Variants in PRKCB observed in about 807,000 individuals in gnomAD.
The protein encoded by PRKCB is protein kinase C beta type.
Under a neutral mutation model 81.5 loss-of-function variants are expected in PRKCB, and 13 were observed. The observed-to-expected ratio is 0.16, with a 90% CI of 0.10 to 0.25. The LOEUF (loss-of-function observed/expected upper bound fraction) is 0.25. Among genes scored for constraint, PRKCB ranks in the 10% least tolerant of loss-of-function variants. PRKCB has a pLI of 1.00. For synonymous variants in PRKCB, 335 were observed against 321.4 expected (o/e 1.04, Z -0.45); for missense variants, 509 against 875.7 (o/e 0.58, Z 5.29).
intron 5 of PRKCB, among the ~76,000 whole-genome samples, chr16:24,081,517 A>T (rs1334702157): frequency 6.6e-6 from 1 of 152,192 alleles, no homozygotes; most frequent in Non-Finnish European, 1.5e-5. Flanking sequence ...TAAAATGTTC[A>T]TCCTCCCCAG....
intron 2 of PRKCB, among the ~76,000 whole-genome samples, chr16:23,863,045 T>G (rs56046165): frequency 0.18 from 27,010 of 149,376 alleles, 2,895 homozygotes; most frequent in East Asian, 0.33. Context: ...GCAGAACACA[T>G]CTCTCCATGA....
Position 24,215,985 on chromosome 16 carries a change from A to AT in PRKCB, c.*1170dup, listed in dbSNP as rs1008199694. ...ATTTTTCTTCTAGCATCGAGATACA[A>AT]TAAAAAAAAAAAAAAAGAAAAGAAG... On this transcript the variant is annotated 3_prime_UTR_variant, in exon 17 of 17. Coordinates refer to ENST00000643927, the MANE Select transcript of PRKCB (RefSeq NM_002738.7). 8 of 964,394 alleles carry AT rather than the reference A, an allele frequency of 8.3e-6. No homozygotes were observed. Among genetic ancestry groups the AT allele is most frequent in the Middle Eastern group, 5.3e-4 (1 of 1,886 alleles). The allele number at this position is 964,394 out of a possible 1,614,324, so 59.7% of individuals were successfully genotyped here. A position where few individuals can be genotyped will look rare whatever the true frequency, so the allele number is the denominator to read the frequency against.
At chr16:24,024,258 T>A (rs1005832488) in intron 3 of PRKCB, among the ~76,000 whole-genome samples, 14 of 152,120 alleles carry the variant, frequency 9.2e-5, no homozygotes, top group African/African-American at 3.4e-4. Flanking sequence ...TGGAATCTAA[T>A]GAAGTTGAAC....
chr16:23,882,232 A>G (rs1963135695), intron 2 of PRKCB, among the ~76,000 whole-genome samples: 1 of 150,520 alleles, frequency 6.6e-6, no homozygotes, highest in African/African-American at 2.5e-5. Flanking sequence ...GGCACACACT[A>G]CCATGCCCGG....
intron 8 of PRKCB, among the ~76,000 whole-genome samples, chr16:24,120,861 G>A (rs1286804563): frequency 3.9e-5 from 6 of 151,956 alleles, no homozygotes; most frequent in Admixed American, 2.0e-4. Flanking sequence ...AGCCTCCCGC[G>A]TAGCTGGGAC....
intron 2 of PRKCB, among the ~76,000 whole-genome samples, chr16:23,968,379 AG>A (rs1964514767): frequency 6.6e-6 from 1 of 152,206 alleles, no homozygotes; most frequent in Non-Finnish European, 1.5e-5. Flanking sequence ...CAACAGCAGG[AG>A]GCGGTTACCG....
intron 5 of PRKCB, among the ~76,000 whole-genome samples, chr16:24,062,184 G>A (rs1455231733): frequency 6.6e-6 from 1 of 152,228 alleles, no homozygotes; most frequent in Non-Finnish European, 1.5e-5. Context: ...TCAATTTTGT[G>A]GGTCTTCTGG....
At chr16:24,063,122 C>T (rs532714698) in intron 5 of PRKCB, among the ~76,000 whole-genome samples, 2 of 152,186 alleles carry the variant, frequency 1.3e-5, no homozygotes, top group African/African-American at 4.8e-5. Flanking sequence ...CCTTCTTTGG[C>T]CTCTTCAGGC....
chr16:24,019,316 C>T (rs1439783271), intron 3 of PRKCB, among the ~76,000 whole-genome samples: 1 of 151,928 alleles, frequency 6.6e-6, no homozygotes, highest in Non-Finnish European at 1.5e-5. Flanking sequence ...TGTGCTCCAG[C>T]CTGGGCAACA....
intron 5 of PRKCB, among the ~76,000 whole-genome samples, chr16:24,073,520 A>G (rs1966141130): frequency 6.6e-6 from 1 of 152,092 alleles, no homozygotes; most frequent in Admixed American, 6.5e-5. Flanking sequence ...GTTTTTGTAG[A>G]GACAAAGTCT....
chr16:24,138,991 A>T (rs148658090), intron 9 of PRKCB, among the ~76,000 whole-genome samples: 2,153 of 151,748 alleles, frequency 0.014, 56 homozygotes, highest in African/African-American at 0.048. Context: ...AGCTGAGATT[A>T]CAGGCATGCA....
At chr16:24,063,282 G>A (rs1391642195) in intron 5 of PRKCB, among the ~76,000 whole-genome samples, 2 of 150,768 alleles carry the variant, frequency 1.3e-5, no homozygotes, top group African/African-American at 2.4e-5. Flanking sequence ...TTCTGCTTGC[G>A]CCTATCCTGA....
intron 2 of PRKCB, among the ~76,000 whole-genome samples, chr16:23,966,132 G>A (rs1964483898): frequency 6.6e-6 from 1 of 152,210 alleles, no homozygotes; most frequent in Non-Finnish European, 1.5e-5. Flanking sequence ...GCGCAAAGTG[G>A]CTTCACATCC....
At chr16:24,156,566 TGCCCG>T (rs1339097254) in intron 10 of PRKCB, among the ~76,000 whole-genome samples, 2 of 152,162 alleles carry the variant, frequency 1.3e-5, no homozygotes, top group Non-Finnish European at 2.9e-5. Flanking sequence ...TGAGTCACCA[TGCCCG>T]GCCAAAGTTG....
intron 5 of PRKCB, among the ~76,000 whole-genome samples, chr16:24,043,249 A>T (rs1343681433): frequency 6.6e-6 from 1 of 152,182 alleles, no homozygotes; most frequent in Non-Finnish European, 1.5e-5. Flanking sequence ...AATCCCTTAG[A>T]TGACATGAAA....
intron 9 of PRKCB, among the ~76,000 whole-genome samples, chr16:24,142,050 A>C (rs906972329): frequency 6.6e-6 from 1 of 152,154 alleles, no homozygotes; most frequent in Non-Finnish European, 1.5e-5. Flanking sequence ...CTTAACCTGC[A>C]TTATGTCACT....
intron 3 of PRKCB, among the ~76,000 whole-genome samples, chr16:24,007,793 G>A (rs1965146100): frequency 6.6e-6 from 1 of 152,182 alleles, no homozygotes; most frequent in South Asian, 2.1e-4. Context: ...GAGCCTGCAG[G>A]CCTGGGGGCA....
intron 3 of PRKCB, among the ~76,000 whole-genome samples, chr16:24,022,102 G>A (rs1965412954): frequency 6.6e-6 from 1 of 152,112 alleles, no homozygotes; most frequent in Non-Finnish European, 1.5e-5. Context: ...CGAGATGACT[G>A]GGGATGATCA....
intron 10 of PRKCB, among the ~76,000 whole-genome samples, chr16:24,160,060 T>C (rs1360534459): frequency 6.6e-6 from 1 of 152,060 alleles, no homozygotes; most frequent in African/African-American, 2.4e-5. Context: ...ACAAAAGCAC[T>C]ATAAGTATTA....
Sources: allele counts gnomAD v4.1 joint callset (sites outside exome capture counted in the v4.1 genomes callset), GRCh38; gene constraint gnomAD v4.1.1; transcripts MANE v1.5; gene names NCBI Gene and HGNC (gene_info 2026-07-23, HGNC 2026-07-21).